Variants in BCAP29 observed in about 807,000 individuals in gnomAD.
The protein encoded by BCAP29 is B-cell receptor-associated protein 29.
Under a neutral mutation model 31.8 loss-of-function variants are expected in BCAP29, and 34 were observed. That is an observed-to-expected ratio of 1.07 (90% CI 0.81 to 1.42). The LOEUF (loss-of-function observed/expected upper bound fraction) is 1.42. Among genes scored for constraint, BCAP29 ranks in the 40% most tolerant of loss-of-function variants. The pLI, the probability that BCAP29 is intolerant of heterozygous loss-of-function variation, is 0.00. For missense variants in BCAP29, 314 were observed against 269.2 expected (o/e 1.17, Z -1.16); for synonymous variants, 104 against 91.3 (o/e 1.14, Z -0.79).
intron 3 of BCAP29, among the ~76,000 whole-genome samples, chr7:107,592,117 G>T (rs1373805235): frequency 6.6e-6 from 1 of 151,892 alleles, no homozygotes; most frequent in Non-Finnish European, 1.5e-5. Flanking sequence ...AAAACAATTG[G>T]CCTGGCACCT....
intron 2 of BCAP29, among the ~76,000 whole-genome samples, chr7:107,581,243 G>C (rs114886941): frequency 1.3e-5 from 2 of 152,170 alleles, no homozygotes; most frequent in African/African-American, 4.8e-5. Context: ...TTACAGTACA[G>C]CATGGGTGTA....
chr7:107,599,162 AATATATAAATATATTAAAATTTATAT>A (rs1810485042), intron 5 of BCAP29, among the ~76,000 whole-genome samples: 23 of 96,554 alleles, frequency 2.4e-4, no homozygotes, highest in African/African-American at 9.8e-4. Flanking sequence ...TATATTTATA[AATATATAAATATATTAAAATTTATAT>A]GTATATAAAT....
intron 6 of BCAP29, among the ~76,000 whole-genome samples, chr7:107,612,806 C>A (rs1465137445): frequency 6.6e-6 from 1 of 151,956 alleles, no homozygotes; most frequent in African/African-American, 2.4e-5. Flanking sequence ...GGCCTGTATT[C>A]TTTAAAATGT....
At chr7:107,586,319 T>C (rs939841803) in intron 3 of BCAP29, among the ~76,000 whole-genome samples, 6 of 152,014 alleles carry the variant, frequency 3.9e-5, no homozygotes, top group Admixed American at 2.6e-4. Context: ...GGAAAAAAAA[T>C]TGGACCAGCT....
chr7:107,618,771 T>G lies in BCAP29; in HGVS notation c.*408T>G. The G allele has an allele frequency of 3.9e-6, 2 of 512,418 alleles. No individual in the cohort carries two copies. The highest frequency in any genetic ancestry group is 6.8e-6 in the Non-Finnish European group (2 of 295,350). The allele number at this position is 512,418 out of a possible 1,614,324, so 31.7% of individuals were successfully genotyped here. On this transcript the variant is annotated 3_prime_UTR_variant, in exon 8 of 8. Transcript: ENST00000005259. The stretch of plus-strand genomic sequence containing the variant: ...CTATTTAATCAGATGATGATGTGTT[T>G]GAAAATAGTGTTCAATATCAGCAAA...
intron 3 of BCAP29, chr7:107,587,882 G>A (rs1201266096): frequency 6.6e-6 from 1 of 151,940 alleles, no homozygotes; most frequent in Non-Finnish European, 1.5e-5. Flanking sequence ...TCAGAAAACA[G>A]ATATTACTAC....
At chr7:107,580,393 T>TGGCCC (rs1806368534) in intron 1 of BCAP29, 92 bp downstream of exon 1, 2 of 214,962 alleles carry the variant, frequency 9.3e-6, no homozygotes, top group South Asian at 1.4e-4. Flanking sequence ...GGAGCTGGCC[T>TGGCCC]GGCCCGACCC....
At chr7:107,609,506 C>T (rs1040765493) in intron 6 of BCAP29, among the ~76,000 whole-genome samples, 3 of 152,156 alleles carry the variant, frequency 2.0e-5, no homozygotes, top group Admixed American at 1.3e-4. Context: ...AGGAACTTAA[C>T]AGCTATCAAC....
intron 6 of BCAP29, among the ~76,000 whole-genome samples, chr7:107,608,139 T>G (rs1271926545): frequency 6.6e-6 from 1 of 152,082 alleles, no homozygotes. Flanking sequence ...CCGTAATCTT[T>G]GTGAATCACT....
intron 1 of BCAP29, chr7:107,580,548 G>C: frequency 2.2e-6 from 1 of 460,544 alleles, no homozygotes; most frequent in Non-Finnish European, 3.8e-6. Flanking sequence ...CCAGCGAGCC[G>C]CCTCGCCAGT....
At chr7:107,609,811 C>T (rs1812807270) in intron 6 of BCAP29, among the ~76,000 whole-genome samples, 1 of 152,130 alleles carries the variant, frequency 6.6e-6, no homozygotes, top group African/African-American at 2.4e-5. Context: ...CTCTTGAATT[C>T]TCAGAAAGAG....
chr7:107,605,278 A>G (rs78150495), intron 6 of BCAP29, among the ~76,000 whole-genome samples: 4,126 of 152,316 alleles, frequency 0.027, 194 homozygotes, highest in African/African-American at 0.094. Context: ...ACATAACGAT[A>G]TCTACCCTGA....
At chr7:107,587,138 G>A (rs1227133990) in intron 3 of BCAP29, among the ~76,000 whole-genome samples, 1 of 152,162 alleles carries the variant, frequency 6.6e-6, no homozygotes, top group Non-Finnish European at 1.5e-5. Flanking sequence ...GCTGGTAAGA[G>A]ACAGAATGGA....
chr7:107,600,241 G>C (rs1369568420), intron 5 of BCAP29, 156 bp from the exon 6 acceptor site: 5 of 663,906 alleles, frequency 7.5e-6, no homozygotes, highest in African/African-American at 3.6e-5. Context: ...GTTTCTGTTA[G>C]CAAAAGTACA....
intron 3 of BCAP29, among the ~76,000 whole-genome samples, chr7:107,590,596 T>C (rs1284392502): frequency 1.3e-5 from 2 of 152,088 alleles, no homozygotes; most frequent in Non-Finnish European, 2.9e-5. Flanking sequence ...GTTGGGCAGA[T>C]TGCTCAAGCT....
Position 107,619,695 on chromosome 7 carries a change from G to A in BCAP29, c.*1332G>A, listed in dbSNP as rs879335179. 7.9e-5 allele frequency: 12 copies of A among 152,156 alleles called. No individual in the cohort carries two copies. The highest frequency in any genetic ancestry group is 1.3e-4 in the Non-Finnish European group (9 of 68,014). The allele number at this position is 152,156 out of a possible 1,614,324, so 9.4% of individuals were successfully genotyped here. A position where few individuals can be genotyped will look rare whatever the true frequency, so the allele number is the denominator to read the frequency against. ...ACACCATAAATAACAAGAAAAGGGA[G>A]TGCTGAAATAGGAGAGAACAGAGCA... On this transcript the variant is annotated 3_prime_UTR_variant, in exon 8 of 8. Coordinates refer to ENST00000005259, the MANE Select transcript of BCAP29 (RefSeq NM_018844.4).
At chr7:107,589,403 G>A (rs2129223068) in intron 3 of BCAP29, among the ~76,000 whole-genome samples, 1 of 152,316 alleles carries the variant, frequency 6.6e-6, no homozygotes, top group Admixed American at 6.5e-5. Context: ...GATGGGAGAT[G>A]GTGGCAGATC....
chr7:107,622,113 T>A (rs2894475), downstream of BCAP29: 298,829 of 406,980 alleles, frequency 0.73, 110,178 homozygotes, highest in South Asian at 0.84. Flanking sequence ...TCTGCCTAAC[T>A]GCAAGCCATC....
chr7:107,609,697 A>G (rs938496768), intron 6 of BCAP29, among the ~76,000 whole-genome samples: 4 of 152,214 alleles, frequency 2.6e-5, no homozygotes, highest in African/African-American at 9.6e-5. Flanking sequence ...CTACTTTCCA[A>G]GTATCTTGGA....
Sources: gnomAD v4.1 joint callset for allele counts (sites outside exome capture counted in the v4.1 genomes callset) on GRCh38, gnomAD v4.1.1 for gene constraint, MANE v1.5 for transcripts, NCBI Gene and HGNC (gene_info 2026-07-23, HGNC 2026-07-21) for gene names.